SESTD1: variants seen among roughly 807,000 people sequenced by gnomAD.
SESTD1 encodes the protein SEC14 and spectrin domain containing 1.
In SESTD1, 43 loss-of-function variants were observed where a neutral mutation model predicts 101.7. The observed-to-expected ratio is 0.42, with a 90% CI of 0.33 to 0.55. The LOEUF is 0.55. Ranked by LOEUF, SESTD1 falls within the 20% of genes least tolerant of loss-of-function variation. SESTD1 has a pLI of 0.07. For synonymous variants in SESTD1, 283 were observed against 286.8 expected (o/e 0.99, Z 0.13); for missense variants, 647 against 815.1 (o/e 0.79, Z 2.51).
intron 1 of SESTD1, among the ~76,000 whole-genome samples, chr2:179,217,212 GA>G (rs2046735938): frequency 6.6e-6 from 1 of 152,064 alleles, no homozygotes; most frequent in Admixed American, 6.5e-5. Context: ...CAGAATGGGA[GA>G]AAATTTCTGC....
intron 1 of SESTD1, among the ~76,000 whole-genome samples, chr2:179,237,633 G>C (rs1156381202): frequency 6.6e-6 from 1 of 152,066 alleles, no homozygotes; most frequent in Non-Finnish European, 1.5e-5. Flanking sequence ...ATTTTCTTTT[G>C]AAATAAGGAA....
chr2:179,245,172 C>G (rs535310198), intron 1 of SESTD1, among the ~76,000 whole-genome samples: 13 of 151,754 alleles, frequency 8.6e-5, no homozygotes, highest in African/African-American at 3.1e-4. Context: ...CTGGGCAACA[C>G]AGCATGTTGG....
rs2046591196 is a variant in SESTD1 at position 179,206,357 on chromosome 2, A to G, written c.-25-14491T>C. ...ATGAAGTGTGAGAGGGGGAAAAGTC[A>G]GCCTCTGAACACACATCCCCACTGG... On this transcript the variant is annotated intron_variant, in intron 1 of 17. Coordinates refer to ENST00000428443, the MANE Select transcript of SESTD1 (RefSeq NM_178123.5). Among the ~76,000 whole-genome samples, 2 of 136,744 alleles carry G rather than the reference A, an allele frequency of 1.5e-5. 1 individual carries two copies. The highest frequency in any genetic ancestry group is 3.2e-5 in the Non-Finnish European group (2 of 63,204). The allele number at this position is 136,744 out of a possible 152,430, so 89.7% of individuals were successfully genotyped here. A position where few individuals can be genotyped will look rare whatever the true frequency, so the allele number is the denominator to read the frequency against.
At chr2:179,178,314 G>A (rs1397223854) in intron 3 of SESTD1, among the ~76,000 whole-genome samples, 3 of 152,106 alleles carry the variant, frequency 2.0e-5, no homozygotes, top group Non-Finnish European at 4.4e-5. Context: ...GATCACTTGT[G>A]GGTTAGCAAA....
At chr2:179,227,416 A>C (rs112389996) in intron 1 of SESTD1, among the ~76,000 whole-genome samples, 14 of 152,302 alleles carry the variant, frequency 9.2e-5, no homozygotes, top group African/African-American at 2.6e-4. Context: ...TCCACAAAAG[A>C]AGCACAGAGA....
rs960264775 is a variant in SESTD1 at position 179,108,696 on chromosome 2, A to G, written c.*1203T>C. The stretch of plus-strand genomic sequence containing the variant: ...ATAATTTTGTAATGACTACAAGACT[A>G]AAAAATAATTTTTAATATTTTAAAA... On this transcript the variant is annotated 3_prime_UTR_variant, in exon 18 of 18. Coordinates refer to ENST00000428443, the MANE Select transcript of SESTD1 (RefSeq NM_178123.5). 3.9e-5 allele frequency: 6 copies of G among 152,094 alleles called. No individual in the cohort carries two copies. The highest frequency in any genetic ancestry group is 1.2e-4 in the African/African-American group (5 of 41,412). 9.4% of individuals were successfully genotyped at this position (152,094 alleles called of 1,614,324 possible). A position where few individuals can be genotyped will look rare whatever the true frequency, so the allele number is the denominator to read the frequency against.
At chr2:179,231,372 T>C (rs1344374682) in intron 1 of SESTD1, among the ~76,000 whole-genome samples, 20 of 151,734 alleles carry the variant, frequency 1.3e-4, no homozygotes, top group Admixed American at 1.2e-3. Flanking sequence ...GAAATAGCAA[T>C]AGATAAGAAT....
At position 179,234,014 on chromosome 2, in the gene SESTD1, T is replaced by C. The variant is rs190237551; in HGVS notation, c.-26+30485A>G. ...TTTCTTGTTTTCTGTAAGGGTGTTCTGGATAAGATTTACATTTTAACTGGT... is the reference window on the plus strand; with the variant it reads ...TTTCTTGTTTTCTGTAAGGGTGTTCCGGATAAGATTTACATTTTAACTGGT... On this transcript the variant is annotated intron_variant, in intron 1 of 17. Coordinates refer to ENST00000428443, the MANE Select transcript of SESTD1 (RefSeq NM_178123.5). 1.5e-4 allele frequency among the ~76,000 whole-genome samples: 23 copies of C among 152,342 alleles called. No homozygotes were observed. The East Asian group carries it at 2.7e-3, about 18-fold the overall frequency.
intron 16 of SESTD1, among the ~76,000 whole-genome samples, chr2:179,113,858 T>A (rs2044567758): frequency 6.9e-6 from 1 of 144,248 alleles, no homozygotes; most frequent in African/African-American, 2.7e-5. Context: ...AGAGTGAGAC[T>A]CTGTCTCAAA....
At chr2:179,126,366 T>C (rs1054813587) in intron 10 of SESTD1, among the ~76,000 whole-genome samples, 1 of 152,110 alleles carries the variant, frequency 6.6e-6, no homozygotes, top group South Asian at 2.1e-4. Context: ...AAGCACTTCC[T>C]CCTCCTTCAA....
intron 1 of SESTD1, among the ~76,000 whole-genome samples, chr2:179,262,506 T>C (rs2047497397): frequency 1.3e-5 from 2 of 152,202 alleles, no homozygotes; most frequent in South Asian, 4.1e-4. Context: ...TATTCTACTT[T>C]CCTCAAGAGG....
Position 179,206,025 on chromosome 2 carries a change from G to T in SESTD1, c.-25-14159C>A, listed in dbSNP as rs1163155374. 1.5e-5 allele frequency among the ~76,000 whole-genome samples: 2 copies of T among 132,614 alleles called. 1 individual carries two copies. Among genetic ancestry groups the T allele is most frequent in the Admixed American group, 1.5e-4 (2 of 13,584 alleles). The allele number at this position is 132,614 out of a possible 152,430, so 87.0% of individuals were successfully genotyped here. On this transcript the variant is annotated intron_variant, in intron 1 of 17. Transcript: ENST00000428443. ...TTTCTGGTTATCTTAGTATCTAATA[G>T]AAAAATTTAAATAGATAATGTACAA... is the stretch of plus-strand genomic sequence containing the variant.
chr2:179,234,011 T>C (rs1294216067), intron 1 of SESTD1, among the ~76,000 whole-genome samples: 1 of 152,228 alleles, frequency 6.6e-6, no homozygotes, highest in East Asian at 1.9e-4. Flanking sequence ...TGTAAGGGTG[T>C]TCTGGATAAG....
At chr2:179,176,145 G>A (rs1308187418) in intron 4 of SESTD1, among the ~76,000 whole-genome samples, 1 of 152,158 alleles carries the variant, frequency 6.6e-6, no homozygotes, top group Non-Finnish European at 1.5e-5. Context: ...GCTCCCAGGT[G>A]AGTCTCATCA....
chr2:179,202,622 C>T (rs948722646), intron 1 of SESTD1, among the ~76,000 whole-genome samples: 1 of 134,790 alleles, frequency 7.4e-6, no homozygotes, highest in Non-Finnish European at 1.6e-5. Flanking sequence ...AAATGGGTTT[C>T]CAATAAGGAA....
At chr2:179,249,326 A>G (rs556177081) in intron 1 of SESTD1, among the ~76,000 whole-genome samples, 6 of 152,170 alleles carry the variant, frequency 3.9e-5, no homozygotes, top group African/African-American at 1.4e-4. Context: ...TGGCTGCAGG[A>G]TATAAGACAA....
chr2:179,229,290 A>G (rs1415793811), intron 1 of SESTD1, among the ~76,000 whole-genome samples: 1 of 152,216 alleles, frequency 6.6e-6, no homozygotes, highest in East Asian at 1.9e-4. Flanking sequence ...TTAAGAGCCC[A>G]AACAGAACAA....
chr2:179,197,492 C>A (rs1174342401), intron 1 of SESTD1, among the ~76,000 whole-genome samples: 1 of 152,062 alleles, frequency 6.6e-6, no homozygotes, highest in Non-Finnish European at 1.5e-5. Flanking sequence ...AGAGCAACCC[C>A]AAGACACGTA....
chr2:179,231,773 C>G (rs1387330315), intron 1 of SESTD1, among the ~76,000 whole-genome samples: 1 of 140,696 alleles, frequency 7.1e-6, no homozygotes, highest in African/African-American at 2.6e-5. Context: ...CAAAGGCATA[C>G]AAAGCAAATA....
Sources: gnomAD v4.1 joint callset for allele counts (sites outside exome capture counted in the v4.1 genomes callset) on GRCh38, gnomAD v4.1.1 for gene constraint, MANE v1.5 for transcripts, NCBI Gene and HGNC (gene_info 2026-07-23, HGNC 2026-07-21) for gene names.